The following AVIL variants were observed in gnomAD, a reference collection of about 807,000 sequenced individuals.
The protein encoded by AVIL is advillin.
In AVIL, 78 loss-of-function variants were observed where a neutral mutation model predicts 109.9. The observed-to-expected ratio is 0.71, with a 90% CI of 0.59 to 0.86. AVIL has a LOEUF of 0.86. AVIL is among the 40% of genes least tolerant of loss of function. The pLI is 0.00. For missense variants in AVIL, 892 were observed against 1,016.5 expected (o/e 0.88, Z 1.67); for synonymous variants, 367 against 379.1 (o/e 0.97, Z 0.37).
intron 1 of AVIL, 71 bp from the exon 2 acceptor site, chr12:57,816,130 C>T (rs1388039120): frequency 2.4e-5 from 31 of 1,311,086 alleles, no homozygotes; most frequent in Middle Eastern, 1.9e-4. Flanking sequence ...GTTTTTCTGC[C>T]GAGCTGCTTC....
At chr12:57,814,098 C>T in intron 3 of AVIL, 54 bp downstream of exon 3, 1 of 1,587,134 alleles carries the variant, frequency 6.3e-7, no homozygotes, top group Non-Finnish European at 8.6e-7. Flanking sequence ...CCAGTACAGC[C>T]CAAGAACTGG....
chr12:57,816,888 G>T (rs1291798383), intron 1 of AVIL, among the ~76,000 whole-genome samples: 1 of 151,986 alleles, frequency 6.6e-6, no homozygotes, highest in Non-Finnish European at 1.5e-5. Flanking sequence ...CGGACAGATG[G>T]CTTCCTTTTT....
At chr12:57,799,713 T>C in intron 19 of AVIL, 82 bp downstream of exon 19, 9 of 1,576,134 alleles carry the variant, frequency 5.7e-6, no homozygotes, top group South Asian at 5.6e-5. Context: ...GTGCCGGAGC[T>C]GTCCTAGGCC....
At position 57,807,194 on chromosome 12, in the gene AVIL, A is replaced by G. The variant is rs976565984; in HGVS notation, c.1491+137T>C. ...GGATTCACTTGACTGTCTTAGAGGGATTAACCCCCTTCTTCCTCTGTCTAA... is the reference window on the plus strand; with the variant it reads ...GGATTCACTTGACTGTCTTAGAGGGGTTAACCCCCTTCTTCCTCTGTCTAA... On this transcript the variant is annotated intron_variant, in intron 13 of 19. Transcript: ENST00000549994. 6 of 1,289,258 alleles carry G rather than the reference A, an allele frequency of 4.7e-6. No individual in the cohort carries two copies. The African/African-American group carries it at 8.8e-5, about 19-fold the overall frequency. The allele number at this position is 1,289,258 out of a possible 1,614,324, so 79.9% of individuals were successfully genotyped here. A position where few individuals can be genotyped will look rare whatever the true frequency, so the allele number is the denominator to read the frequency against.
rs779935171 is a variant in AVIL at position 57,811,117 on chromosome 12, C to G, written c.349G>C (p.Gly117Arg). ...YFKQGIIYKQ[G>R]GVASGMKHVE... ...TGCTTCATCCCAGAGGCGACACCCC[C>G]CTGCTTGTAGCTAAGGGAACATCCA... Residue 117 changes from glycine to arginine, a missense_variant, in exon 5 of 20, where the codon GGG (glycine) becomes CGG (arginine). Transcript: ENST00000549994. 3.1e-6 allele frequency: 5 copies of G among 1,614,134 alleles called. No individual in the cohort carries two copies. The highest frequency in any genetic ancestry group is 1.6e-4 in the Middle Eastern group (1 of 6,062).
chr12:57,816,004 C>G lies in AVIL; in HGVS notation c.37G>C (p.Asp13His), dbSNP rs372626065. 1.2e-6 allele frequency: 2 copies of G among 1,614,054 alleles called. No homozygotes were observed. The highest frequency in any genetic ancestry group is 1.3e-5 in the African/African-American group (1 of 74,946). Residue 13 changes from aspartate (D) to histidine (H), a missense_variant, in exon 2 of 20, where the codon GAC becomes CAC. Coordinates refer to ENST00000549994, the MANE Select transcript of AVIL (RefSeq NM_006576.4). ...ATTCTCCAGACAATGATCCCAGGGTCGTTGTCCACAGCCCTGAAGGCACTG... is the reference window on the plus strand; with the variant it reads ...ATTCTCCAGACAATGATCCCAGGGTGGTTGTCCACAGCCCTGAAGGCACTG... Reference protein sequence around the residue: ...LTSAFRAVDNDPGIIVWRIEK... With the variant: ...LTSAFRAVDNHPGIIVWRIEK...
intron 17 of AVIL, chr12:57,801,463 G>A: frequency 3.2e-6 from 1 of 315,442 alleles, no homozygotes; most frequent in Non-Finnish European, 6.0e-6. Context: ...TTGAAGGCCA[G>A]GCACAGTGGC....
At position 57,802,357 on chromosome 12, in the gene AVIL, G is replaced by A. The variant is rs1955867029; in HGVS notation, c.1963-9C>T. 6.2e-7 allele frequency: 1 copy of A among 1,602,756 alleles called. No individual in the cohort carries two copies. The highest frequency in any genetic ancestry group is 8.5e-7 in the Non-Finnish European group (1 of 1,173,812). On this transcript the variant is annotated splice_polypyrimidine_tract_variant and intron_variant, in intron 16 of 19. Transcript: ENST00000549994. ...CCAATCCACAAGAACACCTGTTAAG[G>A]TGGAGATTTAATATATGTTACTGTG...
chr12:57,810,650 T>C, intron 6 of AVIL, 99 bp from the exon 7 acceptor site: 1 of 1,336,236 alleles, frequency 7.5e-7, no homozygotes. Context: ...CAGGAGTTAC[T>C]TGGATGCTGA....
chr12:57,810,914 A>G lies in AVIL; in HGVS notation c.460T>C (p.Trp154Arg). Reference sequence around the variant, plus strand: ...ACATCACCTCGGTTGAAACTGTCCCAGCTCATTTCCACCTGTCGATGAGAG... The same window carrying G: ...ACATCACCTCGGTTGAAACTGTCCCGGCTCATTTCCACCTGTCGATGAGAG... ...NIRATEVEMS[W>R]DSFNRGDVFL... Residue 154 changes from tryptophan to arginine, a missense_variant, in exon 6 of 20, where the codon TGG becomes CGG. Physicochemically the swap from Trp to Arg is moderately radical, Grantham distance 101. Transcript: ENST00000549994. 2 of 1,614,220 alleles carry G rather than the reference A, an allele frequency of 1.2e-6. No individual in the cohort carries two copies. The highest frequency in any genetic ancestry group is 2.2e-5 in the East Asian group (1 of 44,890).
intron 13 of AVIL, 84 bp from the exon 14 acceptor site, chr12:57,806,623 G>A (rs1955951817): frequency 1.4e-6 from 2 of 1,479,940 alleles, no homozygotes; most frequent in East Asian, 2.3e-5. Context: ...AAACGTGAAT[G>A]TTATAGTATT....
chr12:57,808,142 C>T (rs1466570166), intron 11 of AVIL, 52 bp downstream of exon 11: 1 of 1,585,198 alleles, frequency 6.3e-7, no homozygotes. Context: ...CCCAGCAGGA[C>T]AGCCATGAAG....
chr12:57,799,460 T>A (rs895873302), intron 19 of AVIL, among the ~76,000 whole-genome samples: 1 of 152,218 alleles, frequency 6.6e-6, no homozygotes, highest in African/African-American at 2.4e-5. Context: ...CCGTGCCATA[T>A]ATTTTAAAGA....
intron 2 of AVIL, chr12:57,814,516 G>A: frequency 2.7e-6 from 1 of 365,300 alleles, no homozygotes; most frequent in South Asian, 3.1e-5. Flanking sequence ...CACTATTGTG[G>A]GAAACCTGTG....
At chr12:57,808,811 A>G in intron 9 of AVIL, 1 of 452,382 alleles carries the variant, frequency 2.2e-6, no homozygotes, top group Non-Finnish European at 4.0e-6. Flanking sequence ...GTGTTCTTTC[A>G]GTACTTTTGT....
Position 57,807,360 on chromosome 12 carries a change from T to C in AVIL, c.1462A>G (p.Ile488Val), listed in dbSNP as rs747925843. The C allele has an allele frequency of 6.2e-7, 1 of 1,614,248 alleles. No homozygotes were observed. The highest frequency in any genetic ancestry group is 2.2e-5 in the East Asian group (1 of 44,884). Residue 488 changes from isoleucine to valine, a missense_variant, in exon 13 of 20, where the codon ATC becomes GTC. Physicochemically the swap from Ile to Val is conservative, Grantham distance 29. Transcript: ENST00000549994. ...AAGATAACTAGCTTCCCTTTGAAGA[T>C]GGCCATGAAGTGGCGTGGCTCCGTT... ...MGTEPRHFMA[I>V]FKGKLVIFEG...
chr12:57,814,361 G>T, intron 2 of AVIL, 135 bp from the exon 3 acceptor site: 1 of 857,920 alleles, frequency 1.2e-6, no homozygotes, highest in Non-Finnish European at 1.8e-6. Context: ...CTTACAGGAT[G>T]TGAGGCTGCC....
At chr12:57,803,076 C>T (rs149866102) in intron 16 of AVIL, among the ~76,000 whole-genome samples, 171 bp downstream of exon 16, 1 of 152,106 alleles carries the variant, frequency 6.6e-6, no homozygotes, top group Non-Finnish European at 1.5e-5. Flanking sequence ...TCAAACATCA[C>T]CCCTGGAAAA....
chr12:57,806,375 G>A lies in AVIL; in HGVS notation c.1656C>T (p.Tyr552=). The A allele has an allele frequency of 6.2e-7, 1 of 1,614,106 alleles. No individual in the cohort carries two copies. Among genetic ancestry groups the A allele is most frequent in the African/African-American group, 1.3e-5 (1 of 75,020 alleles). The change falls in exon 14 of 20, where the codon TAC becomes TAT. Residue 552 remains tyrosine, a synonymous_variant. Transcript: ENST00000549994. The stretch of plus-strand genomic sequence containing the variant: ...GCCATCCTACCTTGCCATACCACAG[G>A]TAGTGCTCTGCCTGAGTTCGCAGCA... ...VFLLRTQAEH[Y]LWYGKGSSGD...
Sources: allele counts gnomAD v4.1 joint callset (sites outside exome capture counted in the v4.1 genomes callset), GRCh38; gene constraint gnomAD v4.1.1; transcripts MANE v1.5; gene names NCBI Gene and HGNC (gene_info 2026-07-23, HGNC 2026-07-21).